CNTNAP2: variants seen among roughly 807,000 people sequenced by gnomAD.
CNTNAP2 encodes the protein contactin associated protein 2.
Under a neutral mutation model 155.2 loss-of-function variants are expected in CNTNAP2, and 98 were observed. The ratio of observed to expected loss-of-function variants is 0.63; its 90% CI spans 0.54 to 0.75. The LOEUF (loss-of-function observed/expected upper bound fraction) is 0.75. CNTNAP2 is among the 30% of genes least tolerant of loss of function. The pLI, the probability that CNTNAP2 is intolerant of heterozygous loss-of-function variation, is 0.00. For missense variants in CNTNAP2, 1,727 were observed against 1,688.1 expected, an observed-to-expected ratio of 1.02 and a Z score of -0.40; for synonymous variants, 651 against 631.2, an observed-to-expected ratio of 1.03 and a Z score of -0.47.
intron 9 of CNTNAP2, among the ~76,000 whole-genome samples, chr7:147,369,159 T>C (rs1199834038): frequency 6.6e-6 from 1 of 152,238 alleles, no homozygotes; most frequent in Non-Finnish European, 1.5e-5. Context: ...AAGTAAAGGA[T>C]ATTTTATAAC....
intron 12 of CNTNAP2, among the ~76,000 whole-genome samples, chr7:147,573,576 A>C (rs1800334369): frequency 6.6e-6 from 1 of 152,218 alleles, no homozygotes; most frequent in Non-Finnish European, 1.5e-5. Flanking sequence ...TGCTCCAGGC[A>C]GCAGGGCATG....
At chr7:146,382,799 G>T (rs1795408640) in intron 1 of CNTNAP2, among the ~76,000 whole-genome samples, 1 of 152,098 alleles carries the variant, frequency 6.6e-6, no homozygotes, top group African/African-American at 2.4e-5. Context: ...GAACGGTGCT[G>T]CCATGAGTTA....
At chr7:148,322,920 T>C (rs1007595240) in intron 21 of CNTNAP2, among the ~76,000 whole-genome samples, 4 of 151,930 alleles carry the variant, frequency 2.6e-5, no homozygotes, top group Non-Finnish European at 5.9e-5. Flanking sequence ...CAGGTTGAAA[T>C]TTGTCCTCTT....
intron 2 of CNTNAP2, among the ~76,000 whole-genome samples, chr7:146,779,208 TC>T (rs1802440441): frequency 6.6e-6 from 1 of 152,198 alleles, no homozygotes; most frequent in East Asian, 1.9e-4. Flanking sequence ...AATGGTCACC[TC>T]CCCCTGTCTG....
At chr7:147,214,292 C>T (rs1441197982) in intron 8 of CNTNAP2, among the ~76,000 whole-genome samples, 9 of 152,100 alleles carry the variant, frequency 5.9e-5, no homozygotes, top group Admixed American at 5.9e-4. Context: ...CAGCAAAGCA[C>T]AGTGGCTTAG....
intron 3 of CNTNAP2, among the ~76,000 whole-genome samples, chr7:146,862,756 T>A (rs1795128655): frequency 6.6e-6 from 1 of 152,240 alleles, no homozygotes; most frequent in African/African-American, 2.4e-5. Context: ...AACATACATA[T>A]GCACTCATAT....
chr7:146,368,799 A>G (rs1289301872), intron 1 of CNTNAP2, among the ~76,000 whole-genome samples: 1 of 151,390 alleles, frequency 6.6e-6, no homozygotes, highest in Non-Finnish European at 1.5e-5. Context: ...GCCAAGAAGT[A>G]TGGTAACAAA....
chr7:146,669,591 T>A (rs2533080), intron 1 of CNTNAP2, among the ~76,000 whole-genome samples: 123,035 of 152,064 alleles, frequency 0.81, 50,378 homozygotes, highest in South Asian at 0.91. Flanking sequence ...TTTTTAAAAT[T>A]TATCCAACTT....
At chr7:148,022,706 T>G (rs1045565397) in intron 15 of CNTNAP2, among the ~76,000 whole-genome samples, 15 of 76,084 alleles carry the variant, frequency 2.0e-4, no homozygotes, top group Admixed American at 1.7e-3. Flanking sequence ...TTTTTGTTTG[T>G]TTGGTTGGTT....
chr7:147,992,198 A>C (rs1377686124), intron 15 of CNTNAP2, among the ~76,000 whole-genome samples: 1 of 144,536 alleles, frequency 6.9e-6, no homozygotes, highest in East Asian at 2.2e-4. Context: ...GGGCTCAAGC[A>C]ATTCTCCTGC....
chr7:146,967,889 G>C (rs1203795903), intron 3 of CNTNAP2, among the ~76,000 whole-genome samples: 2 of 151,928 alleles, frequency 1.3e-5, no homozygotes, highest in African/African-American at 4.8e-5. Context: ...TCTTGTGCCA[G>C]TTTTCAAAGG....
At position 146,237,052 on chromosome 7, in the gene CNTNAP2, C is replaced by T. The variant is rs545921299; in HGVS notation, c.97+120079C>T. Among the ~76,000 whole-genome samples, 31 of 152,124 alleles carry T rather than the reference C, an allele frequency of 2.0e-4. 1 individual carries two copies. Among genetic ancestry groups the T allele is most frequent in the African/African-American group, 6.8e-4 (28 of 41,480 alleles). ...TAACGTTGATATTTAGAGAAAAACA[C>T]GGGGGGAGCTAAAACAAGACAGAGA... On this transcript the variant is annotated intron_variant, in intron 1 of 23. Coordinates refer to ENST00000361727, the MANE Select transcript of CNTNAP2 (RefSeq NM_014141.6).
At chr7:147,319,264 A>G (rs1367718389) in intron 9 of CNTNAP2, among the ~76,000 whole-genome samples, 2 of 152,220 alleles carry the variant, frequency 1.3e-5, no homozygotes, top group African/African-American at 4.8e-5. Flanking sequence ...AACATTAAGT[A>G]TATATACATT....
chr7:148,033,614 A>ATT (rs1365039896), intron 15 of CNTNAP2, among the ~76,000 whole-genome samples: 4 of 152,172 alleles, frequency 2.6e-5, no homozygotes, highest in African/African-American at 7.2e-5. Context: ...AGAGATGTCT[A>ATT]TTGCTTGGAA....
At chr7:147,511,243 T>C (rs1450123533) in intron 11 of CNTNAP2, among the ~76,000 whole-genome samples, 1 of 152,028 alleles carries the variant, frequency 6.6e-6, no homozygotes, top group Non-Finnish European at 1.5e-5. Flanking sequence ...ATACATTTAG[T>C]ACATCGTGAA....
At chr7:146,514,708 T>G (rs1363300206) in intron 1 of CNTNAP2, among the ~76,000 whole-genome samples, 3 of 151,924 alleles carry the variant, frequency 2.0e-5, no homozygotes, top group Non-Finnish European at 4.4e-5. Flanking sequence ...CTCATTAGGG[T>G]CAATCACTAG....
intron 21 of CNTNAP2, among the ~76,000 whole-genome samples, chr7:148,356,574 CAG>C (rs1798519998): frequency 6.6e-6 from 1 of 152,326 alleles, no homozygotes; most frequent in South Asian, 2.1e-4. Context: ...GAGAAAGCTC[CAG>C]AGTTTGTAGC....
At chr7:146,832,022 T>C (rs1422205496) in intron 2 of CNTNAP2, among the ~76,000 whole-genome samples, 2 of 152,202 alleles carry the variant, frequency 1.3e-5, no homozygotes, top group Admixed American at 6.5e-5. Flanking sequence ...TGTTGATTAA[T>C]GGATATAGCC....
chr7:146,247,528 T>C (rs192860092), intron 1 of CNTNAP2, among the ~76,000 whole-genome samples: 6 of 151,920 alleles, frequency 3.9e-5, no homozygotes, highest in Non-Finnish European at 7.4e-5. Context: ...AGAAGGAAGA[T>C]TTGGGATGAG....
Sources: allele counts gnomAD v4.1 joint callset (sites outside exome capture counted in the v4.1 genomes callset), GRCh38; gene constraint gnomAD v4.1.1; transcripts MANE v1.5; gene names NCBI Gene and HGNC (gene_info 2026-07-23, HGNC 2026-07-21).